The following DNAJC25 variants were observed in gnomAD, a reference collection of about 807,000 sequenced individuals.
DNAJC25 encodes the protein DnaJ heat shock protein family (Hsp40) member C25, also known as dnaJ homolog subfamily C member 25.
A neutral mutation model predicts 42.1 loss-of-function variants in DNAJC25; 26 were observed. The observed-to-expected ratio is 0.62, with a 90% CI of 0.45 to 0.86. The LOEUF (loss-of-function observed/expected upper bound fraction) is 0.86, where lower values mean the gene tolerates loss of function less well. Ranked by LOEUF, DNAJC25 falls within the 40% of genes least tolerant of loss-of-function variation. The pLI is 0.00. For synonymous variants in DNAJC25, 189 were observed against 179.9 expected (o/e 1.05, Z -0.40); for missense variants, 404 against 459.4 (o/e 0.88, Z 1.10).
chr9:111,631,842 G>A, intron 1 of DNAJC25, 99 bp downstream of exon 1: 1 of 1,409,342 alleles, frequency 7.1e-7, no homozygotes, highest in Non-Finnish European at 9.2e-7. Context: ...CTGTGACCCC[G>A]AAACTGAGCA....
chr9:111,645,996 C>T (rs1450033999), intron 1 of DNAJC25, among the ~76,000 whole-genome samples: 1 of 152,176 alleles, frequency 6.6e-6, no homozygotes, highest in African/African-American at 2.4e-5. Flanking sequence ...TGATCTCAGA[C>T]TCCTGGGCTG....
intron 3 of DNAJC25, among the ~76,000 whole-genome samples, chr9:111,651,408 A>G (rs1830659181): frequency 6.6e-6 from 1 of 152,198 alleles, no homozygotes; most frequent in Non-Finnish European, 1.5e-5. Flanking sequence ...AAGCAGCTCA[A>G]TCTGCAAAAC....
intron 2 of DNAJC25, 36 bp from the exon 3 acceptor site, chr9:111,649,417 T>C: frequency 3.3e-6 from 5 of 1,505,542 alleles, no homozygotes; most frequent in Non-Finnish European, 4.4e-6. Flanking sequence ...ATTTGGGTAA[T>C]GAAAATGACT....
chr9:111,632,091 A>G (rs986072221), intron 1 of DNAJC25, among the ~76,000 whole-genome samples: 7 of 152,378 alleles, frequency 4.6e-5, no homozygotes, highest in Non-Finnish European at 7.3e-5. Flanking sequence ...AGCCCACAAC[A>G]GGGAAAGTCT....
At chr9:111,632,012 G>A (rs1389893596) in intron 1 of DNAJC25, among the ~76,000 whole-genome samples, 1 of 152,260 alleles carries the variant, frequency 6.6e-6, no homozygotes, top group Non-Finnish European at 1.5e-5. Context: ...ACGATTTCGT[G>A]AAAATATTTT....
chr9:111,642,759 G>A (rs1340117510), intron 1 of DNAJC25: 3 of 426,344 alleles, frequency 7.0e-6, no homozygotes, highest in East Asian at 7.3e-5. Flanking sequence ...CCTCTGGGGA[G>A]GGGGGATGAC....
At chr9:111,648,893 T>C (rs1271853851) in intron 2 of DNAJC25, among the ~76,000 whole-genome samples, 1 of 152,198 alleles carries the variant, frequency 6.6e-6, no homozygotes, top group Admixed American at 6.5e-5. Context: ...GTTAATGTTC[T>C]CCTGTCCAAA....
intron 2 of DNAJC25, among the ~76,000 whole-genome samples, chr9:111,648,285 G>A (rs146066785): frequency 0.011 from 1,638 of 149,548 alleles, 30 homozygotes; most frequent in African/African-American, 0.038. Flanking sequence ...TTTTAGAGAT[G>A]GAGTCTCACT....
intron 3 of DNAJC25, among the ~76,000 whole-genome samples, chr9:111,651,906 C>T (rs926630464): frequency 1.3e-5 from 2 of 149,726 alleles, no homozygotes; most frequent in Non-Finnish European, 3.0e-5. Flanking sequence ...CAAGTTTTAA[C>T]TCTGTGGTTT....
intron 1 of DNAJC25, among the ~76,000 whole-genome samples, chr9:111,638,325 G>A (rs1830394968): frequency 6.6e-6 from 1 of 152,142 alleles, no homozygotes; most frequent in Admixed American, 6.5e-5. Flanking sequence ...TACCTACCAA[G>A]CAATAATGTG....
chr9:111,651,257 CTA>C (rs1452199906), intron 3 of DNAJC25, among the ~76,000 whole-genome samples: 2 of 104,988 alleles, frequency 1.9e-5, no homozygotes, highest in Admixed American at 2.2e-4. Context: ...GAGTGAGACT[CTA>C]TCTCAAAAAA....
Position 111,653,138 on chromosome 9 carries a change from G to A in DNAJC25, c.999G>A (p.Lys333=), listed in dbSNP as rs1369343110. 2 of 1,602,184 alleles carry A rather than the reference G, an allele frequency of 1.2e-6. No individual in the cohort carries two copies. Among genetic ancestry groups the A allele is most frequent in the Non-Finnish European group, 1.7e-6 (2 of 1,173,022 alleles). Residue 333 remains lysine (K), a synonymous_variant, in exon 4 of 4, where the codon AAG becomes AAA. Transcript: ENST00000313525. The stretch of plus-strand genomic sequence containing the variant: ...AACAAGAGGAAGAATTAAAGAAAAA[G>A]TTGGCAAATGACCCCAGATGGAAGA... ...KQEQEEELKK[K]LANDPRWKRY...
At position 111,647,119 on chromosome 9, in the gene DNAJC25, C is replaced by T. The variant is rs201249707; in HGVS notation, c.349C>T (p.Arg117Ter). 7 of 1,613,202 alleles carry T rather than the reference C, an allele frequency of 4.3e-6. No individual in the cohort carries two copies. Among genetic ancestry groups the T allele is most frequent in the Non-Finnish European group, 5.9e-6 (7 of 1,179,644 alleles). The change falls in exon 2 of 4, where the codon CGA becomes TGA. Residue 117 changes from arginine (R) to a stop codon, truncating the protein, a stop_gained. Transcript: ENST00000313525. LOFTEE classifies it high-confidence loss of function. ...AYETLKDEETRKDYDYMLDHP... is the reference protein window; with the variant it reads ...AYETLKDEET ...TGTCATTTTACAGGATGAAGAAACA[C>T]GAAAAGATTATGATTACATGCTGGA...
In DNAJC25 at chr9:111,653,958, C is replaced by A. The variant is rs1206608902; in HGVS notation, c.*736C>A. 1 of 152,416 alleles carries A rather than the reference C, an allele frequency of 6.6e-6. No individual in the cohort carries two copies. The highest frequency in any genetic ancestry group is 1.5e-5 in the Non-Finnish European group (1 of 68,008). The allele number at this position is 152,416 out of a possible 1,614,324, so 9.4% of individuals were successfully genotyped here. A position where few individuals can be genotyped will look rare whatever the true frequency, so the allele number is the denominator to read the frequency against. ...CTATAACTGTATTCTCAACATTTCTCCAGAAAGGACCTTGTAAAAAGGTCT... is the reference window on the plus strand; with the variant it reads ...CTATAACTGTATTCTCAACATTTCTACAGAAAGGACCTTGTAAAAAGGTCT... On this transcript the variant is annotated 3_prime_UTR_variant, in exon 4 of 4. Transcript: ENST00000313525.
intron 1 of DNAJC25, among the ~76,000 whole-genome samples, chr9:111,633,499 A>T (rs1013800701): frequency 6.6e-6 from 1 of 152,194 alleles, no homozygotes; most frequent in Non-Finnish European, 1.5e-5. Flanking sequence ...TAGGGAGTTT[A>T]TGGACTTTGG....
intron 1 of DNAJC25, among the ~76,000 whole-genome samples, chr9:111,635,628 A>G (rs919922029): frequency 2.6e-5 from 4 of 152,238 alleles, no homozygotes; most frequent in African/African-American, 9.6e-5. Flanking sequence ...GAAAGGATGC[A>G]CTTAGAAAAA....
At chr9:111,633,599 C>T (rs993607619) in intron 1 of DNAJC25, among the ~76,000 whole-genome samples, 6 of 152,066 alleles carry the variant, frequency 3.9e-5, no homozygotes, top group Non-Finnish European at 7.4e-5. Flanking sequence ...GAAACACTGC[C>T]AGCTGTTGCC....
At chr9:111,638,046 A>G (rs1360892291) in intron 1 of DNAJC25, among the ~76,000 whole-genome samples, 1 of 152,164 alleles carries the variant, frequency 6.6e-6, no homozygotes, top group African/African-American at 2.4e-5. Flanking sequence ...CATGTTCTCC[A>G]GGCTCATATT....
chr9:111,631,340 G>A lies in DNAJC25; in HGVS notation c.-68G>A, dbSNP rs1223321341. The A allele has an allele frequency of 1.6e-6, 2 of 1,252,998 alleles. No homozygotes were observed. The highest frequency in any genetic ancestry group is 4.2e-5 in the Admixed American group (1 of 23,658). 77.6% of individuals were successfully genotyped at this position (1,252,998 alleles called of 1,614,324 possible). A position where few individuals can be genotyped will look rare whatever the true frequency, so the allele number is the denominator to read the frequency against. ...CTGACGTGTAGCTGGGGCCAGACGG[G>A]ACTAGCCGGGCGCGCGGCTGAGTGC... On this transcript the variant is annotated 5_prime_UTR_variant, in exon 1 of 4. Transcript: ENST00000313525.
Sources: allele counts gnomAD v4.1 joint callset (sites outside exome capture counted in the v4.1 genomes callset), GRCh38; gene constraint gnomAD v4.1.1; transcripts MANE v1.5; gene names NCBI Gene and HGNC (gene_info 2026-07-23, HGNC 2026-07-21).